The following ADGRG7 variants were observed in gnomAD, a reference collection of about 807,000 sequenced individuals.
ADGRG7 encodes the protein adhesion G protein-coupled receptor G7.
In ADGRG7, 82 loss-of-function variants were observed where a neutral mutation model predicts 88.6. That is an observed-to-expected ratio of 0.93 (90% CI 0.77 to 1.11). The LOEUF is 1.11. Among genes scored for constraint, ADGRG7 ranks in the 50% most tolerant of loss-of-function variants. The pLI is 0.00. For missense variants in ADGRG7, 945 were observed against 953.4 expected (o/e 0.99, Z 0.12); for synonymous variants, 381 against 345.2 (o/e 1.10, Z -1.15).
chr3:100,662,093 G>A (rs2094946288), intron 14 of ADGRG7, among the ~76,000 whole-genome samples: 1 of 152,144 alleles, frequency 6.6e-6, no homozygotes, highest in South Asian at 2.1e-4. Flanking sequence ...ATGGATTAAT[G>A]ACATTGCTCA....
At chr3:100,667,695 A>T (rs2094953631) in intron 14 of ADGRG7, among the ~76,000 whole-genome samples, 1 of 152,184 alleles carries the variant, frequency 6.6e-6, no homozygotes, top group South Asian at 2.1e-4. Context: ...TATGCCCAGT[A>T]ATGGGATTGC....
intron 15 of ADGRG7, among the ~76,000 whole-genome samples, chr3:100,669,687 T>A (rs533274543): frequency 5.3e-5 from 8 of 152,156 alleles, no homozygotes; most frequent in African/African-American, 1.9e-4. Flanking sequence ...ATTTACCCTT[T>A]CTGTTACAAA....
chr3:100,689,578 A>G (rs2094989518), intron 15 of ADGRG7, among the ~76,000 whole-genome samples: 1 of 152,214 alleles, frequency 6.6e-6, no homozygotes, highest in Admixed American at 6.5e-5. Context: ...TGGTAGTGAC[A>G]AAATCTCTCA....
At chr3:100,611,066 C>T (rs1707141741) in intron 1 of ADGRG7, among the ~76,000 whole-genome samples, 1 of 152,094 alleles carries the variant, frequency 6.6e-6, no homozygotes, top group Non-Finnish European at 1.5e-5. Flanking sequence ...AGAAAATTTA[C>T]CAGAACAAAA....
chr3:100,611,303 T>TCTTCCTTCCTTCTTTCCTTC lies in ADGRG7; in HGVS notation c.115+1336_115+1337insCTTCCTTCTTTCCTTCCTTC, dbSNP rs56353986. Among the ~76,000 whole-genome samples, 363 of 124,336 alleles carry TCTTCCTTCCTTCTTTCCTTC rather than the reference T, an allele frequency of 2.9e-3. 3 individuals carry two copies. The highest frequency in any genetic ancestry group is 0.012 in the African/African-American group (332 of 28,118). The allele number at this position is 124,336 out of a possible 152,430, so 81.6% of individuals were successfully genotyped here. On this transcript the variant is annotated intron_variant, in intron 1 of 15. Transcript: ENST00000273352. ...TCCTTCCTTCCTTCCTTCCTTCCTT[T>TCTTCCTTCCTTCTTTCCTTC]CTTCTTTCCTTCCTTCCTTCCTTCC...
intron 3 of ADGRG7, among the ~76,000 whole-genome samples, chr3:100,632,524 A>G (rs1169793272): frequency 6.6e-6 from 1 of 152,246 alleles, no homozygotes; most frequent in Non-Finnish European, 1.5e-5. Flanking sequence ...AAAGTTATTT[A>G]TAGCCCATAA....
At position 100,695,004 on chromosome 3, in the gene ADGRG7, A is replaced by C; in HGVS notation, c.*3A>C. 6.2e-7 allele frequency: 1 copy of C among 1,610,922 alleles called. No individual in the cohort carries two copies. Among genetic ancestry groups the C allele is most frequent in the African/African-American group, 1.3e-5 (1 of 74,922 alleles). The stretch of plus-strand genomic sequence containing the variant: ...ACAATGCAAAGGAAAGCATCTAGAC[A>C]GTAAAACTTACCTGTTGTGGTCTTT... On this transcript the variant is annotated 3_prime_UTR_variant, in exon 16 of 16. Coordinates refer to ENST00000273352, the MANE Select transcript of ADGRG7 (RefSeq NM_032787.3).
At position 100,637,338 on chromosome 3, in the gene ADGRG7, C is replaced by A. The variant is rs116536000; in HGVS notation, c.634C>A (p.Leu212Ile). Residue 212 changes from leucine (L) to isoleucine (I), a missense_variant, in exon 6 of 16, where the codon CTA becomes ATA. Physicochemically the swap from Leu to Ile is conservative, Grantham distance 5. Coordinates refer to ENST00000273352, the MANE Select transcript of ADGRG7 (RefSeq NM_032787.3). ...KVAIVTVSQL[L>I]DASEDAFQRV... ...TGCCATAGTAACAGTGAGTCAACTC[C>A]TAGATGCCAGTGAAGATGCTTTTCA... The A allele has an allele frequency of 6.2e-7, 1 of 1,613,850 alleles. No individual in the cohort carries two copies. Among genetic ancestry groups the A allele is most frequent in the Non-Finnish European group, 8.5e-7 (1 of 1,179,834 alleles).
At chr3:100,694,650 G>A (rs2094999162) in intron 15 of ADGRG7, 94 bp from the exon 16 acceptor site, 6 of 1,176,484 alleles carry the variant, frequency 5.1e-6, no homozygotes, top group Middle Eastern at 2.8e-4. Flanking sequence ...GTGCCGTGCA[G>A]ATGAGAAGGT....
chr3:100,693,988 G>C (rs1315138228), intron 15 of ADGRG7, among the ~76,000 whole-genome samples: 1 of 152,220 alleles, frequency 6.6e-6, no homozygotes, highest in Non-Finnish European at 1.5e-5. Flanking sequence ...TGGAGCTAAA[G>C]ATGTAAGAAT....
Position 100,653,503 on chromosome 3 carries a change from T to A in ADGRG7, c.1380-1332T>A, listed in dbSNP as rs139436391. Among the ~76,000 whole-genome samples the A allele has an allele frequency of 3.4e-3, 514 of 152,350 alleles. 3 individuals carry two copies. Among genetic ancestry groups the A allele is most frequent in the African/African-American group, 0.012 (499 of 41,580 alleles). On this transcript the variant is annotated intron_variant, in intron 11 of 15. Coordinates refer to ENST00000273352, the MANE Select transcript of ADGRG7 (RefSeq NM_032787.3). ...ATTATAAAAATTTTAAAACTCCATA[T>A]AGGGCCTCTTCTACAGATGGCCTTC...
At chr3:100,672,992 C>T (rs1167549088) in intron 15 of ADGRG7, among the ~76,000 whole-genome samples, 1 of 152,144 alleles carries the variant, frequency 6.6e-6, no homozygotes, top group Non-Finnish European at 1.5e-5. Flanking sequence ...CATCGATGTT[C>T]ATCAGGGATA....
chr3:100,654,028 G>A (rs1282403576), intron 11 of ADGRG7, among the ~76,000 whole-genome samples: 1 of 152,202 alleles, frequency 6.6e-6, no homozygotes, highest in African/African-American at 2.4e-5. Context: ...AGCAAAGTGA[G>A]AGTCCTGCTA....
chr3:100,691,145 G>A (rs992063417), intron 15 of ADGRG7, among the ~76,000 whole-genome samples: 5 of 152,228 alleles, frequency 3.3e-5, no homozygotes, highest in Non-Finnish European at 7.3e-5. Flanking sequence ...GCCTCCATGG[G>A]CGTAGGACCC....
At chr3:100,629,503 A>G (rs1240309076) in intron 1 of ADGRG7, 95 bp from the exon 2 acceptor site, 1 of 724,488 alleles carries the variant, frequency 1.4e-6, no homozygotes, top group African/African-American at 1.8e-5. Context: ...TACTCAAAGC[A>G]GTGGTTTTAC....
rs927358956 is a variant in ADGRG7, at chr3:100,662,166, G to A, written c.1979+2323G>A. ...CTTCCTTAGTATCTATATGGGTTGG[G>A]GGGAAACAGCCAAATTTAATTTGGC... On this transcript the variant is annotated intron_variant, in intron 14 of 15. Transcript: ENST00000273352. Among the ~76,000 whole-genome samples the A allele has an allele frequency of 3.9e-5, 6 of 152,176 alleles. No homozygotes were observed. In the East Asian group the frequency reaches 1.2e-3, roughly 29 times the overall value.
intron 15 of ADGRG7, among the ~76,000 whole-genome samples, chr3:100,689,278 C>T (rs1325094982): frequency 5.9e-5 from 9 of 151,658 alleles, no homozygotes; most frequent in East Asian, 1.9e-4. Flanking sequence ...TGTCTCTGCA[C>T]GTGAGATGTG....
intron 15 of ADGRG7, among the ~76,000 whole-genome samples, chr3:100,693,896 A>G (rs543659828): frequency 1.3e-5 from 2 of 152,332 alleles, no homozygotes; most frequent in African/African-American, 2.4e-5. Flanking sequence ...CTTAAAAGCT[A>G]TGATACACTT....
chr3:100,673,156 T>A (rs886267224), intron 15 of ADGRG7, among the ~76,000 whole-genome samples: 4 of 152,184 alleles, frequency 2.6e-5, no homozygotes, highest in Admixed American at 2.6e-4. Flanking sequence ...TCTTTTTACC[T>A]CTGGTAGAAT....
Sources: allele counts gnomAD v4.1 joint callset (sites outside exome capture counted in the v4.1 genomes callset), GRCh38; gene constraint gnomAD v4.1.1; transcripts MANE v1.5; gene names NCBI Gene and HGNC (gene_info 2026-07-23, HGNC 2026-07-21).